MAP3K5: variants seen among roughly 807,000 people sequenced by gnomAD.
MAP3K5 encodes ASK-1.
In MAP3K5, 56 loss-of-function variants were observed where a neutral mutation model predicts 158.7. The ratio of observed to expected loss-of-function variants is 0.35; its 90% confidence interval spans 0.28 to 0.44. The LOEUF (loss-of-function observed/expected upper bound fraction) is 0.44. Among genes scored for constraint, MAP3K5 ranks in the 20% least tolerant of loss-of-function variants. The pLI, the probability that MAP3K5 is intolerant of heterozygous loss-of-function variation, is 1.00. For missense variants in MAP3K5, 1,294 were observed against 1,674.8 expected, an observed-to-expected ratio of 0.77 and a Z score of 3.97; for synonymous variants, 579 against 601.7, an observed-to-expected ratio of 0.96 and a Z score of 0.55.
At position 136,792,411 on chromosome 6, in the gene MAP3K5, G is replaced by C. The variant is rs1198373342; in HGVS notation, c.-254C>G. 7 of 987,934 alleles carry C rather than the reference G, an allele frequency of 7.1e-6. No homozygotes were observed. In the African/African-American group the frequency reaches 1.2e-4, roughly 17 times the overall value. 61.2% of individuals were successfully genotyped at this position (987,934 alleles called of 1,614,324 possible). On this transcript the variant is annotated 5_prime_UTR_variant, in exon 1 of 30. Transcript: ENST00000359015. This position sits in a 1 kb window ranked among gnomAD's most constrained non-coding sequence, Gnocchi z 5.7. ...CCTCTGCAGAGTTTAGAGTACAAGGGGTGGGGAAGCCGGGTGAGCGGGAAG... is the reference window on the plus strand; with the variant it reads ...CCTCTGCAGAGTTTAGAGTACAAGGCGTGGGGAAGCCGGGTGAGCGGGAAG...
intron 20 of MAP3K5, 90 bp from the exon 21 acceptor site, chr6:136,601,132 G>A: frequency 8.2e-7 from 1 of 1,217,752 alleles, no homozygotes; most frequent in Non-Finnish European, 1.2e-6. Flanking sequence ...TGCCTGAAAT[G>A]GGGTCAATGT....
In MAP3K5 at chr6:136,583,537, G is replaced by T; in HGVS notation, c.3411+18C>A. Reference sequence around the variant, plus strand: ...AATTTTAGTGTGTGGGAAAACACTGGCAAAATATCATACTTACAGCATCTT... The same window carrying T: ...AATTTTAGTGTGTGGGAAAACACTGTCAAAATATCATACTTACAGCATCTT... On this transcript the variant is annotated intron_variant, in intron 24 of 29. Coordinates refer to ENST00000359015, the MANE Select transcript of MAP3K5 (RefSeq NM_005923.4). The T allele has an allele frequency of 1.3e-6, 2 of 1,592,574 alleles. No homozygotes were observed. The highest frequency in any genetic ancestry group is 1.1e-5 in the South Asian group (1 of 88,052).
rs575741629 is a variant in MAP3K5, at chr6:136,624,515, C to T, written c.2017-1534G>A. Among the ~76,000 whole-genome samples the T allele has an allele frequency of 2.0e-5, 3 of 152,158 alleles. No individual in the cohort carries two copies. In the South Asian group the frequency reaches 6.2e-4, roughly 32 times the overall value. On this transcript the variant is annotated intron_variant, in intron 14 of 29. Transcript: ENST00000359015. ...CAGATACAGATTCCTTTCATGCATA[C>T]ATGAAAAATATATTATAACTGATTA...
At chr6:136,644,294 G>A (rs1320052214) in intron 11 of MAP3K5, among the ~76,000 whole-genome samples, 1 of 152,148 alleles carries the variant, frequency 6.6e-6, no homozygotes, top group Non-Finnish European at 1.5e-5. Flanking sequence ...AAGGTGGAAG[G>A]AGGCCTCCCT....
intron 13 of MAP3K5, among the ~76,000 whole-genome samples, chr6:136,638,455 C>T (rs574651426): frequency 6.6e-6 from 1 of 152,304 alleles, no homozygotes; most frequent in Non-Finnish European, 1.5e-5. Context: ...CTCTCCAAGA[C>T]TACTTTTTTA....
intron 3 of MAP3K5, among the ~76,000 whole-genome samples, chr6:136,700,343 G>A (rs1030813002): frequency 3.9e-5 from 6 of 152,102 alleles, no homozygotes; most frequent in East Asian, 1.9e-4. Flanking sequence ...AAACAGACAC[G>A]TGCGTGACTG....
At chr6:136,754,956 TCTC>T (rs1204627769) in intron 1 of MAP3K5, among the ~76,000 whole-genome samples, 2 of 151,996 alleles carry the variant, frequency 1.3e-5, no homozygotes, top group Admixed American at 1.3e-4. Flanking sequence ...GAGGTTGTCG[TCTC>T]CTCCTCAATC....
intron 26 of MAP3K5, among the ~76,000 whole-genome samples, chr6:136,563,771 A>T (rs1275773449): frequency 6.6e-6 from 1 of 152,258 alleles, no homozygotes; most frequent in Non-Finnish European, 1.5e-5. Flanking sequence ...AAAGTATCTT[A>T]ATGTAAGTTG....
At chr6:136,682,924 A>G (rs1562608738) in intron 7 of MAP3K5, among the ~76,000 whole-genome samples, 1 of 152,212 alleles carries the variant, frequency 6.6e-6, no homozygotes, top group Non-Finnish European at 1.5e-5. Context: ...ATGTTTAGCT[A>G]CATCCAGAAA....
intron 1 of MAP3K5, among the ~76,000 whole-genome samples, chr6:136,746,168 C>T (rs1189029707): frequency 3.3e-5 from 5 of 152,010 alleles, no homozygotes; most frequent in African/African-American, 1.2e-4. Context: ...CAAATACCAA[C>T]TATGGTAAAT....
intron 1 of MAP3K5, among the ~76,000 whole-genome samples, chr6:136,733,273 C>T (rs998419451): frequency 6.6e-6 from 1 of 152,194 alleles, no homozygotes; most frequent in Non-Finnish European, 1.5e-5. Context: ...ACTGGGATTA[C>T]AGGCATAAGC....
chr6:136,683,283 G>A (rs1780010856), intron 7 of MAP3K5, among the ~76,000 whole-genome samples: 1 of 152,240 alleles, frequency 6.6e-6, no homozygotes, highest in Non-Finnish European at 1.5e-5. Context: ...CATAAAGAAA[G>A]TCTGGAGTAA....
chr6:136,678,787 G>A (rs1293640926), intron 7 of MAP3K5, among the ~76,000 whole-genome samples: 4 of 151,334 alleles, frequency 2.6e-5, no homozygotes, highest in African/African-American at 4.9e-5. Context: ...GTGCAATGGC[G>A]CTATCTTGGC....
chr6:136,787,440 A>G (rs960130810), intron 1 of MAP3K5, among the ~76,000 whole-genome samples: 1 of 152,196 alleles, frequency 6.6e-6, no homozygotes, highest in African/African-American at 2.4e-5. Context: ...TTGTCTTAAT[A>G]ATGCTGTCAT....
At chr6:136,612,982 AT>A in intron 17 of MAP3K5, 137 bp downstream of exon 17, 1 of 812,286 alleles carries the variant, frequency 1.2e-6, no homozygotes, top group East Asian at 2.8e-5. Context: ...GTTGAACGAT[AT>A]TTTATATTTC....
At chr6:136,714,133 A>G (rs768608924) in intron 2 of MAP3K5, among the ~76,000 whole-genome samples, 11 of 152,238 alleles carry the variant, frequency 7.2e-5, no homozygotes, top group Non-Finnish European at 1.3e-4. Flanking sequence ...CAAAACTTTA[A>G]CAAAAGGAAG....
At chr6:136,706,073 C>A (rs540617995) in intron 2 of MAP3K5, among the ~76,000 whole-genome samples, 1 of 152,130 alleles carries the variant, frequency 6.6e-6, no homozygotes, top group African/African-American at 2.4e-5. Context: ...GCCTGGCCAA[C>A]ATGGTGAAAC....
chr6:136,719,994 A>G (rs1176798636), intron 2 of MAP3K5, among the ~76,000 whole-genome samples: 1 of 152,136 alleles, frequency 6.6e-6, no homozygotes, highest in African/African-American at 2.4e-5. Flanking sequence ...CTTTTCTCCC[A>G]TCTTAGTTTA....
chr6:136,769,544 T>C (rs1043604717), intron 1 of MAP3K5, among the ~76,000 whole-genome samples: 2 of 151,054 alleles, frequency 1.3e-5, no homozygotes. Flanking sequence ...AATTTAAAAA[T>C]AGAAGAGAGA....
Sources: gnomAD v4.1 joint callset for allele counts (sites outside exome capture counted in the v4.1 genomes callset) on GRCh38, gnomAD v4.1.1 for gene constraint, Gnocchi (gnomAD v3.1) non-coding constraint, MANE v1.5 for transcripts, NCBI Gene and HGNC (gene_info 2026-07-23, HGNC 2026-07-21) for gene names.